TSHZ3: variants seen among roughly 807,000 people sequenced by gnomAD.
TSHZ3 encodes teashirt homolog 3.
A neutral mutation model predicts 64.5 loss-of-function variants in TSHZ3; 10 were observed. The ratio of observed to expected loss-of-function variants is 0.16; its 90% CI spans 0.10 to 0.26. The LOEUF (loss-of-function observed/expected upper bound fraction) is 0.26, where lower values mean the gene tolerates loss of function less well. Ranked by LOEUF, TSHZ3 falls within the 10% of genes least tolerant of loss-of-function variation. The pLI is 1.00. For missense variants in TSHZ3, 1,242 were observed against 1,421.7 expected (o/e 0.87, Z 2.03); for synonymous variants, 608 against 593.1 (o/e 1.03, Z -0.36).
At chr19:31,210,151 A>G (rs1201608137) in intron 4 of TSHZ3, among the ~76,000 whole-genome samples, 3 of 152,122 alleles carry the variant, frequency 2.0e-5, no homozygotes, top group African/African-American at 7.2e-5. Flanking sequence ...AGCCAGGCAA[A>G]TGAGTGCAGG....
At chr19:31,156,460 A>G (rs1355352418) in intron 5 of TSHZ3, among the ~76,000 whole-genome samples, 2 of 152,128 alleles carry the variant, frequency 1.3e-5, no homozygotes, top group African/African-American at 4.8e-5. Flanking sequence ...AAGACATCCC[A>G]CTGGCACCAG....
chr19:31,289,839 G>C (rs894195241), intron 1 of TSHZ3, among the ~76,000 whole-genome samples: 3 of 152,172 alleles, frequency 2.0e-5, no homozygotes, highest in Non-Finnish European at 4.4e-5. Flanking sequence ...TCTGTGTCAG[G>C]GAAAGAGCTC....
chr19:31,241,407 T>C (rs1202262691), intron 3 of TSHZ3, among the ~76,000 whole-genome samples: 1 of 152,122 alleles, frequency 6.6e-6, no homozygotes, highest in Non-Finnish European at 1.5e-5. Context: ...GCTCAAGAGA[T>C]CTCTTCACTC....
chr19:31,332,839 C>T (rs567291051), intron 1 of TSHZ3, among the ~76,000 whole-genome samples: 7 of 152,178 alleles, frequency 4.6e-5, no homozygotes, highest in South Asian at 2.1e-4. Flanking sequence ...AGGCACATGG[C>T]TCACACCTGT....
chr19:31,267,436 G>A (rs916447157), intron 1 of TSHZ3, among the ~76,000 whole-genome samples: 3 of 152,026 alleles, frequency 2.0e-5, no homozygotes, highest in African/African-American at 7.2e-5. Flanking sequence ...CATTCTCTAG[G>A]AGTCTGGAAG....
chr19:31,162,513 G>A (rs1974385337), intron 5 of TSHZ3, among the ~76,000 whole-genome samples: 1 of 151,990 alleles, frequency 6.6e-6, no homozygotes. Flanking sequence ...CGACTTTCTT[G>A]GATTTTCCTG....
intron 1 of TSHZ3, among the ~76,000 whole-genome samples, chr19:31,296,680 G>A (rs1976668027): frequency 6.6e-6 from 1 of 152,196 alleles, no homozygotes; most frequent in South Asian, 2.1e-4. Flanking sequence ...TTTATTTGTA[G>A]CATGCACCTC....
chr19:31,195,970 A>C (rs1974985707), intron 5 of TSHZ3, among the ~76,000 whole-genome samples: 1 of 151,980 alleles, frequency 6.6e-6, no homozygotes, highest in African/African-American at 2.4e-5. Context: ...CCTACTGTAC[A>C]CCTAGGCTAT....
intron 1 of TSHZ3, among the ~76,000 whole-genome samples, chr19:31,316,765 T>C (rs948839286): frequency 6.6e-6 from 1 of 151,662 alleles, no homozygotes; most frequent in Non-Finnish European, 1.5e-5. Flanking sequence ...AGGGAAAGAA[T>C]GGGGAGAGAG....
chr19:31,303,050 C>G lies in TSHZ3; in HGVS notation c.41-23298G>C, dbSNP rs1200585381. Among the ~76,000 whole-genome samples the G allele has an allele frequency of 2.0e-5, 3 of 152,142 alleles. No individual in the cohort carries two copies. The East Asian group carries it at 5.8e-4, about 29-fold the overall frequency. On this transcript the variant is annotated intron_variant, in intron 1 of 1. Coordinates refer to ENST00000240587, the MANE Select transcript of TSHZ3 (RefSeq NM_020856.4). ...CCCATCCACATATGCACAAATGGAC[C>G]TCTGAATGAATCTGATAGCCCTACA... is the stretch of plus-strand genomic sequence containing the variant.
chr19:31,343,042 C>T (rs1452797825), intron 1 of TSHZ3, among the ~76,000 whole-genome samples: 1 of 152,226 alleles, frequency 6.6e-6, no homozygotes, highest in Non-Finnish European at 1.5e-5. Flanking sequence ...CTCTCCCCTA[C>T]ACTCTACCCT....
At chr19:31,249,221 G>C (rs1207769687) in intron 1 of TSHZ3, among the ~76,000 whole-genome samples, 1 of 152,240 alleles carries the variant, frequency 6.6e-6, no homozygotes, top group African/African-American at 2.4e-5. Flanking sequence ...CAGGGCTCCA[G>C]TGATCTGTCA....
chr19:31,349,817 C>G (rs1391841180), upstream of TSHZ3, among the ~76,000 whole-genome samples: 1 of 145,022 alleles, frequency 6.9e-6, no homozygotes, highest in South Asian at 2.2e-4. Context: ...CTGCCCGTGG[C>G]GCGGCTGGAG....
chr19:31,279,420 A>G lies in TSHZ3; in HGVS notation c.373T>C (p.Phe125Leu). 6.2e-7 allele frequency: 1 copy of G among 1,614,148 alleles called. No individual in the cohort carries two copies. The highest frequency in any genetic ancestry group is 8.5e-7 in the Non-Finnish European group (1 of 1,180,028). Residue 125 changes from phenylalanine to leucine, a missense_variant, in exon 2 of 2, where the codon TTC (phenylalanine) becomes CTC (leucine). Phe to Leu is a conservative substitution (Grantham distance 22, BLOSUM62 0). Transcript: ENST00000240587. The surrounding 1 kb of genome is among the most constrained non-coding windows in gnomAD (Gnocchi z 6.4). Reference protein sequence around the residue: ...LEQMKAVYNNFLSNSYWSNLN... With the variant: ...LEQMKAVYNNLLSNSYWSNLN... ...TTGGACCAGTAGGAGTTGGAGAGGAAGTTGTTGTACACGGCCTTCATCTGC... is the reference window on the plus strand; with the variant it reads ...TTGGACCAGTAGGAGTTGGAGAGGAGGTTGTTGTACACGGCCTTCATCTGC...
intron 5 of TSHZ3, among the ~76,000 whole-genome samples, chr19:31,170,319 C>T (rs1974519742): frequency 6.6e-6 from 1 of 152,076 alleles, no homozygotes; most frequent in African/African-American, 2.4e-5. Context: ...TAGTCTCTTC[C>T]TCTCCTTATA....
Position 31,326,483 on chromosome 19 carries a change from C to T in TSHZ3, c.40+22697G>A, listed in dbSNP as rs545288747. On this transcript the variant is annotated intron_variant, in intron 1 of 1. Coordinates refer to ENST00000240587, the MANE Select transcript of TSHZ3 (RefSeq NM_020856.4). ...GCCCTGCATGCTTAGAAGCCTGGCG[C>T]GTGTGTGTGCATGTGCACACGTGCC... Among the ~76,000 whole-genome samples, 34 of 152,338 alleles carry T rather than the reference C, an allele frequency of 2.2e-4. 1 individual carries two copies. In the South Asian group the frequency reaches 6.0e-3, roughly 27 times the overall value.
At chr19:31,213,476 C>G (rs529476072) in intron 4 of TSHZ3, among the ~76,000 whole-genome samples, 54 of 143,320 alleles carry the variant, frequency 3.8e-4, no homozygotes, top group Admixed American at 1.2e-3. Context: ...CTATAGGATA[C>G]TATAATGGTG....
intron 1 of TSHZ3, among the ~76,000 whole-genome samples, chr19:31,261,593 C>G (rs1006487085): frequency 6.6e-6 from 1 of 152,130 alleles, no homozygotes; most frequent in Non-Finnish European, 1.5e-5. Context: ...TAGCATACTC[C>G]AAGTGTTCTC....
exon 3 of TSHZ3, among the ~76,000 whole-genome samples, chr19:31,242,404 C>T (rs1243521016): frequency 2.0e-5 from 3 of 152,164 alleles, no homozygotes; most frequent in African/African-American, 2.4e-5. Flanking sequence ...AAGTCTGAGG[C>T]CAAAGGCCTG....
Sources: gnomAD v4.1 joint callset for allele counts (sites outside exome capture counted in the v4.1 genomes callset) on GRCh38, gnomAD v4.1.1 for gene constraint, Gnocchi (gnomAD v3.1) non-coding constraint, MANE v1.5 for transcripts, NCBI Gene and HGNC (gene_info 2026-07-23, HGNC 2026-07-21) for gene names.